Variants in SMOC1 observed in about 807,000 individuals in gnomAD.
SMOC1 encodes SPARC related modular calcium binding 1.
A neutral mutation model predicts 56.3 loss-of-function variants in SMOC1; 22 were observed. The observed-to-expected ratio is 0.39, with a 90% CI of 0.28 to 0.56. The LOEUF is 0.56. SMOC1 is among the 20% of genes least tolerant of loss of function. The pLI is 0.61. For missense variants in SMOC1, 509 were observed against 565.4 expected (o/e 0.90, Z 1.01); for synonymous variants, 193 against 215.0 (o/e 0.90, Z 0.89).
At chr14:69,977,274 C>T (rs978052469) in intron 4 of SMOC1, among the ~76,000 whole-genome samples, 17 of 152,196 alleles carry the variant, frequency 1.1e-4, no homozygotes, top group Admixed American at 2.0e-4. Flanking sequence ...AGGGTCAGGA[C>T]TGGAGGAGGG....
chr14:69,981,350 C>A (rs1460880909), intron 5 of SMOC1, among the ~76,000 whole-genome samples: 2 of 152,074 alleles, frequency 1.3e-5, no homozygotes, highest in Non-Finnish European at 2.9e-5. Context: ...TTCTTTGGGC[C>A]CCTTGTGTTT....
intron 1 of SMOC1, among the ~76,000 whole-genome samples, chr14:69,890,912 C>A (rs1265891918): frequency 6.6e-6 from 1 of 152,062 alleles, no homozygotes; most frequent in Non-Finnish European, 1.5e-5. Flanking sequence ...GAGATAAGTT[C>A]GAGACTGTTC....
intron 1 of SMOC1, among the ~76,000 whole-genome samples, chr14:69,936,009 C>CT (rs1566679827): frequency 6.6e-6 from 1 of 152,206 alleles, no homozygotes; most frequent in Admixed American, 6.5e-5. Flanking sequence ...CTAAGGGCAT[C>CT]TTTCAGCAAT....
chr14:69,905,456 G>A (rs1594795180), intron 1 of SMOC1, among the ~76,000 whole-genome samples: 1 of 152,186 alleles, frequency 6.6e-6, no homozygotes, highest in East Asian at 1.9e-4. Flanking sequence ...TACACACAAA[G>A]GAACGTCAAC....
At chr14:70,004,528 G>A (rs1885080376) in intron 7 of SMOC1, among the ~76,000 whole-genome samples, 1 of 152,200 alleles carries the variant, frequency 6.6e-6, no homozygotes, top group Admixed American at 6.5e-5. Context: ...ACTGTAACAT[G>A]GAAATCCTTC....
intron 5 of SMOC1, among the ~76,000 whole-genome samples, chr14:69,988,365 A>C (rs1407506727): frequency 6.6e-6 from 1 of 151,576 alleles, no homozygotes; most frequent in African/African-American, 2.4e-5. Context: ...ATACTCTCTG[A>C]GGTCCAAAAG....
chr14:69,981,880 G>A (rs1351298091), intron 5 of SMOC1, among the ~76,000 whole-genome samples: 7 of 152,192 alleles, frequency 4.6e-5, no homozygotes, highest in African/African-American at 1.7e-4. Flanking sequence ...CAGGATAACT[G>A]AACACAGGTT....
chr14:69,902,744 G>A (rs971473780), intron 1 of SMOC1, among the ~76,000 whole-genome samples: 5 of 152,188 alleles, frequency 3.3e-5, no homozygotes, highest in Admixed American at 2.0e-4. Flanking sequence ...AGCCTGCCGA[G>A]TGCCTGCGAT....
At chr14:69,965,404 T>TAATAATAATAATAAAAA (rs761154559) in intron 3 of SMOC1, among the ~76,000 whole-genome samples, 1 of 149,400 alleles carries the variant, frequency 6.7e-6, no homozygotes, top group Non-Finnish European at 1.5e-5. Context: ...ATAATAATAA[T>TAATAATAATAATAAAAA]AAAAAGATGA....
intron 3 of SMOC1, among the ~76,000 whole-genome samples, chr14:69,957,034 A>C (rs1380431): frequency 0.34 from 52,416 of 152,000 alleles, 9,423 homozygotes; most frequent in African/African-American, 0.42. Flanking sequence ...CTTTGGTGAC[A>C]TGTTGAATAA....
chr14:69,948,168 T>C (rs1251394242), intron 1 of SMOC1, among the ~76,000 whole-genome samples: 1 of 152,206 alleles, frequency 6.6e-6, no homozygotes, highest in African/African-American at 2.4e-5. Flanking sequence ...GCCCTGGAGC[T>C]TTGGGTGATC....
intron 7 of SMOC1, among the ~76,000 whole-genome samples, chr14:69,999,444 C>G (rs1465058552): frequency 6.6e-6 from 1 of 152,236 alleles, no homozygotes; most frequent in East Asian, 1.9e-4. Context: ...GCAAATACCC[C>G]ATGGCCACCT....
At chr14:69,999,441 C>G (rs1285824704) in intron 7 of SMOC1, among the ~76,000 whole-genome samples, 1 of 152,200 alleles carries the variant, frequency 6.6e-6, no homozygotes, top group East Asian at 1.9e-4. Context: ...TAAGCAAATA[C>G]CCCATGGCCA....
chr14:69,943,930 A>G lies in SMOC1; in HGVS notation c.100-8208A>G, dbSNP rs796527063. ...AGTGGCATCTGGGGCATAGTGTCTG[A>G]TATCCCTACATTGAGGAAGGCAGTG... On this transcript the variant is annotated intron_variant, in intron 1 of 11. Coordinates refer to ENST00000361956, the MANE Select transcript of SMOC1 (RefSeq NM_001034852.3). Among the ~76,000 whole-genome samples the G allele has an allele frequency of 9.8e-5, 15 of 152,340 alleles. No homozygotes were observed. The South Asian group carries it at 3.1e-3, about 32-fold the overall frequency.
chr14:69,980,471 G>T (rs969027841), intron 5 of SMOC1, among the ~76,000 whole-genome samples: 1 of 152,156 alleles, frequency 6.6e-6, no homozygotes, highest in Non-Finnish European at 1.5e-5. Context: ...ATCTGATTAG[G>T]TGTTGGATCC....
chr14:69,899,480 C>T (rs1884185929), intron 1 of SMOC1, among the ~76,000 whole-genome samples: 1 of 152,166 alleles, frequency 6.6e-6, no homozygotes, highest in African/African-American at 2.4e-5. Context: ...GTTCCTGCTT[C>T]CCTTATGCCT....
intron 1 of SMOC1, among the ~76,000 whole-genome samples, chr14:69,948,645 T>G (rs931372521): frequency 1.1e-4 from 16 of 152,204 alleles, no homozygotes; most frequent in African/African-American, 3.9e-4. Flanking sequence ...CTCAGTGGGT[T>G]TGAAAAGAAA....
chr14:69,943,267 C>T (rs1378083077), intron 1 of SMOC1, among the ~76,000 whole-genome samples: 1 of 152,166 alleles, frequency 6.6e-6, no homozygotes, highest in Non-Finnish European at 1.5e-5. Context: ...GCTGCTGTTG[C>T]TGGCAGGCCT....
intron 1 of SMOC1, among the ~76,000 whole-genome samples, chr14:69,931,158 C>T (rs115698299): frequency 8.2e-4 from 125 of 152,358 alleles, no homozygotes; most frequent in African/African-American, 2.9e-3. Flanking sequence ...AGCCATCCCA[C>T]CTTCACACAG....
Sources: gnomAD v4.1 joint callset for allele counts (sites outside exome capture counted in the v4.1 genomes callset) on GRCh38, gnomAD v4.1.1 for gene constraint, MANE v1.5 for transcripts, NCBI Gene and HGNC (gene_info 2026-07-23, HGNC 2026-07-21) for gene names.